PTPRN2: variants seen among roughly 807,000 people sequenced by gnomAD.
PTPRN2 encodes the protein protein tyrosine phosphatase receptor type N2.
PTPRN2 carries 74 observed loss-of-function variants against 118.8 expected under a neutral mutation model. That is an observed-to-expected ratio of 0.62 (90% CI 0.52 to 0.76). PTPRN2 has a LOEUF of 0.76. Ranked by LOEUF, PTPRN2 falls within the 30% of genes least tolerant of loss-of-function variation. The pLI, the probability that PTPRN2 is intolerant of heterozygous loss-of-function variation, is 0.00. For synonymous variants in PTPRN2, 641 were observed against 608.0 expected, an observed-to-expected ratio of 1.05 and a Z score of -0.80; for missense variants, 1,481 against 1,394.4, an observed-to-expected ratio of 1.06 and a Z score of -0.99.
chr7:158,220,893 A>T (rs1419001905), intron 3 of PTPRN2, among the ~76,000 whole-genome samples: 9 of 151,806 alleles, frequency 5.9e-5, no homozygotes, highest in Non-Finnish European at 8.8e-5. Flanking sequence ...AAAAAAAAAA[A>T]AGGCTGAATA....
intron 14 of PTPRN2, 116 bp downstream of exon 14, chr7:157,656,241 G>T: frequency 9.3e-7 from 1 of 1,075,408 alleles, no homozygotes; most frequent in Non-Finnish European, 1.3e-6. Flanking sequence ...CGGGCAGGGT[G>T]CAGCCATCAT....
intron 13 of PTPRN2, among the ~76,000 whole-genome samples, chr7:157,657,291 T>G (rs957456167): frequency 3.2e-5 from 1 of 31,482 alleles, no homozygotes; most frequent in Non-Finnish European, 6.0e-5. Context: ...ACCACACACA[T>G]CACACATATA....
intron 5 of PTPRN2, among the ~76,000 whole-genome samples, chr7:158,181,729 G>A (rs932228780): frequency 1.3e-5 from 2 of 152,104 alleles, no homozygotes; most frequent in Non-Finnish European, 2.9e-5. Context: ...TAGTTTGTAT[G>A]CATAGAAGTG....
intron 1 of PTPRN2, among the ~76,000 whole-genome samples, chr7:158,520,745 G>C (rs144065046): frequency 6.6e-6 from 1 of 152,070 alleles, no homozygotes; most frequent in Non-Finnish European, 1.5e-5. Flanking sequence ...TACGAAGAAC[G>C]ATCGGGTGGC....
chr7:158,217,570 T>G (rs1198130680), intron 3 of PTPRN2, among the ~76,000 whole-genome samples: 1 of 152,140 alleles, frequency 6.6e-6, no homozygotes, highest in Non-Finnish European at 1.5e-5. Flanking sequence ...TACCTACAAA[T>G]GAACACACTA....
intron 3 of PTPRN2, among the ~76,000 whole-genome samples, chr7:158,214,400 AC>A (rs1429457301): frequency 3.8e-4 from 32 of 85,188 alleles, no homozygotes; most frequent in African/African-American, 1.5e-3. Context: ...CAGCGTGTAC[AC>A]ACACACACAC....
Position 157,729,500 on chromosome 7 carries a change from G to A in PTPRN2, c.1789-46563C>T, listed in dbSNP as rs913474130. ...CCGCTGCTAAAATGCAAAGTTCCCCGAAGGCAGGTGGGCACTGTGCTGGTG... is the reference window on the plus strand; with the variant it reads ...CCGCTGCTAAAATGCAAAGTTCCCCAAAGGCAGGTGGGCACTGTGCTGGTG... On this transcript the variant is annotated intron_variant, in intron 12 of 22. Coordinates refer to ENST00000389418, the MANE Select transcript of PTPRN2 (RefSeq NM_002847.5). The surrounding 1 kb of genome is among the most constrained non-coding windows in gnomAD (Gnocchi z 4.3). 1.3e-5 allele frequency among the ~76,000 whole-genome samples: 2 copies of A among 152,312 alleles called. No homozygotes were observed. Among genetic ancestry groups the A allele is most frequent in the African/African-American group, 2.4e-5 (1 of 41,558 alleles).
intron 12 of PTPRN2, among the ~76,000 whole-genome samples, chr7:157,777,514 C>T (rs1406226742): frequency 6.6e-6 from 1 of 152,182 alleles, no homozygotes; most frequent in African/African-American, 2.4e-5. Flanking sequence ...ACGCAGTGCC[C>T]CACACTGCTA....
intron 2 of PTPRN2, among the ~76,000 whole-genome samples, chr7:158,318,782 C>T (rs568148627): frequency 1.3e-5 from 2 of 152,374 alleles, no homozygotes; most frequent in African/African-American, 4.8e-5. Flanking sequence ...CAGCTCAGGG[C>T]ATGGCAGAGC....
chr7:158,055,098 T>C (rs1024728382), intron 11 of PTPRN2, among the ~76,000 whole-genome samples: 1 of 152,270 alleles, frequency 6.6e-6, no homozygotes, highest in African/African-American at 2.4e-5. Context: ...AGATCATAGA[T>C]ATGATTATAT....
intron 1 of PTPRN2, among the ~76,000 whole-genome samples, chr7:158,553,211 C>T (rs187142196): frequency 1.4e-5 from 2 of 147,446 alleles, no homozygotes; most frequent in African/African-American, 5.0e-5. Context: ...TTCCCCTATA[C>T]ATGAATAGGC....
intron 12 of PTPRN2, among the ~76,000 whole-genome samples, chr7:157,806,525 C>T (rs959873345): frequency 2.1e-4 from 32 of 151,936 alleles, no homozygotes; most frequent in East Asian, 1.3e-3. Context: ...GATGCATATA[C>T]GTGTATATGT....
Position 158,098,891 on chromosome 7 carries a change from C to G in PTPRN2, c.1643+11938G>C, listed in dbSNP as rs568509420. ...GAGAAGATGGTAGAAGGTGACAGTG[C>G]GGGGTGCAGCGTTCCTGGGTCCTTG... is the stretch of plus-strand genomic sequence containing the variant. On this transcript the variant is annotated intron_variant, in intron 10 of 22. Coordinates refer to ENST00000389418, the MANE Select transcript of PTPRN2 (RefSeq NM_002847.5). 1.4e-3 allele frequency among the ~76,000 whole-genome samples: 213 copies of G among 151,954 alleles called. 2 individuals are homozygous for G. Among genetic ancestry groups the G allele is most frequent in the African/African-American group, 4.9e-3 (204 of 41,404 alleles).
intron 14 of PTPRN2, among the ~76,000 whole-genome samples, chr7:157,626,487 G>T (rs1457712838): frequency 6.6e-6 from 1 of 152,108 alleles, no homozygotes; most frequent in Admixed American, 6.5e-5. Flanking sequence ...TCCTCCAGGA[G>T]TCCGGTCAGG....
At chr7:158,539,086 C>T (rs951005741) in intron 1 of PTPRN2, among the ~76,000 whole-genome samples, 2 of 152,150 alleles carry the variant, frequency 1.3e-5, no homozygotes, top group African/African-American at 2.4e-5. Context: ...CCATGCCCCC[C>T]GTGTCAGCCA....
chr7:157,558,824 C>A (rs1223483390), intron 21 of PTPRN2, among the ~76,000 whole-genome samples: 1 of 152,202 alleles, frequency 6.6e-6, no homozygotes, highest in African/African-American at 2.4e-5. Context: ...CCCTCTGAGT[C>A]TATTTTGGGT....
intron 1 of PTPRN2, among the ~76,000 whole-genome samples, chr7:158,566,791 C>G (rs1266571410): frequency 6.6e-6 from 1 of 152,188 alleles, no homozygotes. Context: ...TCTCTGCTCA[C>G]TGCAACCTCT....
chr7:158,282,580 C>T (rs1299061516), intron 3 of PTPRN2, among the ~76,000 whole-genome samples: 1 of 152,254 alleles, frequency 6.6e-6, no homozygotes, highest in Non-Finnish European at 1.5e-5. Context: ...CTGAAGGAGA[C>T]AGCACTGCTG....
intron 6 of PTPRN2, among the ~76,000 whole-genome samples, chr7:158,156,416 C>T (rs960857717): frequency 1.3e-5 from 2 of 152,270 alleles, no homozygotes; most frequent in East Asian, 1.9e-4. Flanking sequence ...CGCAGCTCAC[C>T]GTGGACTGGG....
Sources: allele counts gnomAD v4.1 joint callset (sites outside exome capture counted in the v4.1 genomes callset), GRCh38; gene constraint gnomAD v4.1.1; non-coding constraint Gnocchi (gnomAD v3.1); transcripts MANE v1.5; gene names NCBI Gene and HGNC (gene_info 2026-07-23, HGNC 2026-07-21).